SCGB2B2: variants seen among roughly 807,000 people sequenced by gnomAD.
SCGB2B2 encodes the protein secretoglobin family 2B member 2.
A neutral mutation model predicts 7.6 loss-of-function variants in SCGB2B2; 11 were observed. The observed-to-expected ratio is 1.45, with a 90% confidence interval of 0.91 to 2.40. The LOEUF (loss-of-function observed/expected upper bound fraction) is 2.40, where lower values mean the gene tolerates loss of function less well. SCGB2B2 is among the 30% of genes most tolerant of loss of function. The pLI is 0.00. For synonymous variants in SCGB2B2, 50 were observed against 48.6 expected, an observed-to-expected ratio of 1.03 and a Z score of -0.12; for missense variants, 104 against 115.4, an observed-to-expected ratio of 0.90 and a Z score of 0.45.
rs1429547434 is a variant in SCGB2B2 at position 34,645,501 on chromosome 19, TACACAGAC to T, written c.-2032+30121_-2032+30128del. 250 of 168,868 alleles carry T rather than the reference TACACAGAC, an allele frequency of 1.5e-3. 1 individual carries two copies. Among genetic ancestry groups the T allele is most frequent in the South Asian group, 9.0e-3 (66 of 7,374 alleles). The allele number at this position is 168,868 out of a possible 1,614,324, so 10.5% of individuals were successfully genotyped here. ...CCTGCCCTGACCCCACTTATGTGCATACACAGACACACAGACACACACAGACACACACA... is the reference window on the plus strand; with the variant it reads ...CCTGCCCTGACCCCACTTATGTGCATACACAGACACACACAGACACACACA... On this transcript the variant is annotated intron_variant, in intron 1 of 3. Coordinates refer to ENST00000601241, the MANE Select transcript of SCGB2B2 (RefSeq NM_001025591.4).
intron 1 of SCGB2B2, among the ~76,000 whole-genome samples, chr19:34,614,439 T>C (rs2066014961): frequency 6.6e-6 from 1 of 152,136 alleles, no homozygotes; most frequent in South Asian, 2.1e-4. Flanking sequence ...CATTGAATTC[T>C]TCAGTTGCAG....
chr19:34,639,251 C>T (rs1010105942), intron 1 of SCGB2B2, among the ~76,000 whole-genome samples: 1 of 152,162 alleles, frequency 6.6e-6, no homozygotes, highest in Non-Finnish European at 1.5e-5. Flanking sequence ...AATGCCAATG[C>T]CTCCCTGTGT....
At chr19:34,588,282 T>C (rs1249438021), downstream of SCGB2B2, among the ~76,000 whole-genome samples, 3 of 152,230 alleles carry the variant, frequency 2.0e-5, no homozygotes, top group East Asian at 5.8e-4. Flanking sequence ...AATTTATACA[T>C]TTCTGCTAGG....
At chr19:34,598,780 G>A (rs2065534213) in intron 1 of SCGB2B2, among the ~76,000 whole-genome samples, 1 of 152,258 alleles carries the variant, frequency 6.6e-6, no homozygotes, top group Admixed American at 6.5e-5. Flanking sequence ...TGTCTAAGAT[G>A]AAGTGTGACT....
At chr19:34,603,059 T>C (rs1028188372) in intron 1 of SCGB2B2, among the ~76,000 whole-genome samples, 5 of 152,236 alleles carry the variant, frequency 3.3e-5, no homozygotes, top group African/African-American at 1.2e-4. Context: ...TTTAATTTAA[T>C]TTTACAGATA....
At chr19:34,644,362 G>GTTT (rs75799133) in intron 1 of SCGB2B2, among the ~76,000 whole-genome samples, 3 of 134,344 alleles carry the variant, frequency 2.2e-5, no homozygotes, top group South Asian at 2.4e-4. Context: ...TTTTTTTTTT[G>GTTT]TTTTTTTTTT....
chr19:34,623,196 G>T (rs1261173638), intron 1 of SCGB2B2, among the ~76,000 whole-genome samples: 2 of 152,110 alleles, frequency 1.3e-5, no homozygotes, highest in Admixed American at 1.3e-4. Context: ...AGCAGTTAGG[G>T]TTTGATTTAA....
intron 1 of SCGB2B2, among the ~76,000 whole-genome samples, chr19:34,650,286 G>A (rs73042037): frequency 9.4e-4 from 142 of 151,262 alleles, no homozygotes; most frequent in Non-Finnish European, 1.9e-3. Flanking sequence ...TCTTCCAGCC[G>A]AGCCAACGGC....
chr19:34,587,631 C>T (rs1363084596), downstream of SCGB2B2, among the ~76,000 whole-genome samples: 1 of 152,146 alleles, frequency 6.6e-6, no homozygotes, highest in African/African-American at 2.4e-5. Flanking sequence ...CAGCTTTGTA[C>T]TTTTCCCTAT....
chr19:34,665,750 G>C (rs1006289050), intron 1 of SCGB2B2, among the ~76,000 whole-genome samples: 1 of 152,042 alleles, frequency 6.6e-6, no homozygotes, highest in African/African-American at 2.4e-5. Flanking sequence ...CCACCACTGA[G>C]CATGTCCCTC....
rs1568427349 is a variant in SCGB2B2 at position 34,595,483 on chromosome 19, A to G, written c.-920T>C. 1 of 152,738 alleles carries G rather than the reference A, an allele frequency of 6.5e-6. No individual in the cohort carries two copies. Among genetic ancestry groups the G allele is most frequent in the Non-Finnish European group, 1.5e-5 (1 of 68,068 alleles). 9.5% of individuals were successfully genotyped at this position (152,738 alleles called of 1,614,324 possible). On this transcript the variant is annotated 5_prime_UTR_variant, in exon 2 of 4. Transcript: ENST00000601241. ...TTTAACTTGTTGGAGAGTAGCTAGT[A>G]GGAGCGGCCTTGACTGGGAGCCTGC...
intron 1 of SCGB2B2, among the ~76,000 whole-genome samples, chr19:34,602,176 C>T (rs1036502223): frequency 1.3e-5 from 2 of 152,142 alleles, no homozygotes; most frequent in African/African-American, 4.8e-5. Flanking sequence ...TTTTAGAACA[C>T]ATCTTATTTA....
At chr19:34,631,315 T>C (rs568117999) in intron 1 of SCGB2B2, among the ~76,000 whole-genome samples, 71 of 118,880 alleles carry the variant, frequency 6.0e-4, no homozygotes, top group African/African-American at 2.8e-3. Context: ...GTTTTTTTTT[T>C]TTACAATTTT....
At chr19:34,665,424 C>T (rs2067587821) in intron 1 of SCGB2B2, among the ~76,000 whole-genome samples, 1 of 152,302 alleles carries the variant, frequency 6.6e-6, no homozygotes, top group African/African-American at 2.4e-5. Flanking sequence ...ATGATGTCTC[C>T]AGCCTGGTGA....
At chr19:34,634,825 T>A in intron 1 of SCGB2B2, 1 of 245,276 alleles carries the variant, frequency 4.1e-6, no homozygotes. Flanking sequence ...CTGAAGGCTT[T>A]CCCACATTCG....
At chr19:34,621,494 G>C (rs2066239574) in intron 1 of SCGB2B2, among the ~76,000 whole-genome samples, 2 of 150,468 alleles carry the variant, frequency 1.3e-5, no homozygotes, top group South Asian at 4.2e-4. Context: ...GCTATCTAGG[G>C]CCTTTCATAC....
intron 1 of SCGB2B2, among the ~76,000 whole-genome samples, chr19:34,603,823 G>A (rs1453802918): frequency 3.4e-5 from 4 of 116,452 alleles, no homozygotes; most frequent in South Asian, 5.2e-4. Context: ...AACAGATAAC[G>A]TCTCACTATA....
At chr19:34,610,385 C>T (rs1465110461) in intron 1 of SCGB2B2, among the ~76,000 whole-genome samples, 1 of 152,020 alleles carries the variant, frequency 6.6e-6, no homozygotes, top group Non-Finnish European at 1.5e-5. Flanking sequence ...TTGTCTTGCT[C>T]CAGATTTTAG....
At chr19:34,671,083 G>A (rs569172433) in intron 1 of SCGB2B2, among the ~76,000 whole-genome samples, 1 of 152,188 alleles carries the variant, frequency 6.6e-6, no homozygotes, top group South Asian at 2.1e-4. Context: ...CCCTGGCTAA[G>A]TTTTGTATTT....
Sources: allele counts gnomAD v4.1 joint callset (sites outside exome capture counted in the v4.1 genomes callset), GRCh38; gene constraint gnomAD v4.1.1; transcripts MANE v1.5; gene names NCBI Gene and HGNC (gene_info 2026-07-23, HGNC 2026-07-21).